Variants in SPAG16 observed in about 807,000 individuals in gnomAD.
SPAG16 encodes sperm-associated antigen 16 protein.
SPAG16 carries 86 observed loss-of-function variants against 80.4 expected under a neutral mutation model. That is an observed-to-expected ratio of 1.07 (90% CI 0.90 to 1.28). The LOEUF (loss-of-function observed/expected upper bound fraction) is 1.28, where lower values mean the gene tolerates loss of function less well. Among genes scored for constraint, SPAG16 ranks in the 50% most tolerant of loss-of-function variants. The probability of loss-of-function intolerance (pLI) is 0.00; values close to 1 mark genes in which losing one functional copy is unlikely to be tolerated. For synonymous variants in SPAG16, 294 were observed against 265.9 expected (o/e 1.11, Z -1.03); for missense variants, 870 against 765.3 (o/e 1.14, Z -1.61).
rs183175235 is a variant in SPAG16 at position 213,384,284 on chromosome 2, T to C, written c.942+9165T>C. Among the ~76,000 whole-genome samples the C allele has an allele frequency of 3.9e-5, 6 of 152,292 alleles. No homozygotes were observed. In the East Asian group the frequency reaches 1.2e-3, roughly 29 times the overall value. The stretch of plus-strand genomic sequence containing the variant: ...TCCTACTTGGCATTTCCCACCATAG[T>C]ATCATATATCCCACAGGTCAAGAAT... On this transcript the variant is annotated intron_variant, in intron 9 of 15. Transcript: ENST00000331683.
intron 10 of SPAG16, among the ~76,000 whole-genome samples, chr2:213,492,414 G>A (rs971395569): frequency 3.3e-5 from 5 of 152,138 alleles, no homozygotes; most frequent in East Asian, 1.9e-4. Flanking sequence ...GCTGGGTGTG[G>A]TGGTGGGCGC....
At chr2:214,173,269 T>A (rs961585150) in intron 15 of SPAG16, among the ~76,000 whole-genome samples, 21 of 152,136 alleles carry the variant, frequency 1.4e-4, no homozygotes, top group African/African-American at 4.8e-4. Flanking sequence ...TGAATTAATT[T>A]TTGTATAAGG....
chr2:213,595,512 G>A (rs1237931156), intron 10 of SPAG16, among the ~76,000 whole-genome samples: 4 of 152,116 alleles, frequency 2.6e-5, no homozygotes, highest in Admixed American at 2.0e-4. Flanking sequence ...CCTTTAAACT[G>A]TTTTATGTGG....
rs373421261 is a variant in SPAG16 at position 213,811,667 on chromosome 2, T to C, written c.1071-50818T>C. 5.2e-4 allele frequency among the ~76,000 whole-genome samples: 79 copies of C among 152,302 alleles called. 1 individual carries two copies. The South Asian group carries it at 0.015, about 29-fold the overall frequency. ...AGAATAAGGAGCATTGTCCCAACCG[T>C]CTGCTGAGAAAGAAATGCATTCTTC... On this transcript the variant is annotated intron_variant, in intron 10 of 15. Transcript: ENST00000331683.
intron 12 of SPAG16, among the ~76,000 whole-genome samples, chr2:213,960,274 C>CT (rs946239070): frequency 1.3e-5 from 2 of 151,662 alleles, no homozygotes; most frequent in Non-Finnish European, 2.9e-5. Flanking sequence ...TTTGTTTATT[C>CT]TTTTTTTGCT....
chr2:213,913,613 A>G (rs1222577423), intron 11 of SPAG16, among the ~76,000 whole-genome samples: 2 of 8,574 alleles, frequency 2.3e-4, no homozygotes, highest in African/African-American at 3.5e-4. Context: ...ACATGTACAT[A>G]TATGTATATG....
Position 213,375,068 on chromosome 2 carries a change from T to G in SPAG16, c.891T>G (p.Arg297=). ...AAGGTCCTACTCAGAAAGGTCTTCG[T>G]GAAGCCAGGGAACAAAACAAATGTA... ...APEGPTQKGL[R]EAREQNKCKT... Residue 297 remains arginine (R), a synonymous_variant, in exon 9 of 16, where the codon CGT becomes CGG. Coordinates refer to ENST00000331683, the MANE Select transcript of SPAG16 (RefSeq NM_024532.5). The G allele has an allele frequency of 6.2e-7, 1 of 1,610,610 alleles. No individual in the cohort carries two copies. Among genetic ancestry groups the G allele is most frequent in the Non-Finnish European group, 8.5e-7 (1 of 1,178,666 alleles).
intron 15 of SPAG16, among the ~76,000 whole-genome samples, chr2:214,231,937 C>G (rs2125802963): frequency 1.3e-5 from 2 of 152,072 alleles, no homozygotes; most frequent in South Asian, 4.1e-4. Context: ...TATCCAAATA[C>G]TTTTTCTATG....
chr2:214,294,549 C>T (rs1299408588), intron 15 of SPAG16, among the ~76,000 whole-genome samples: 1 of 152,108 alleles, frequency 6.6e-6, no homozygotes, highest in Non-Finnish European at 1.5e-5. Context: ...AATTGAAATG[C>T]CAACTGTACT....
rs142946868 is a variant in SPAG16 at position 214,159,835 on chromosome 2, T to C, written c.1720+10569T>C. On this transcript the variant is annotated intron_variant, in intron 15 of 15. Coordinates refer to ENST00000331683, the MANE Select transcript of SPAG16 (RefSeq NM_024532.5). ...CTCTGTAAATATTTTGAAATAATGA[T>C]AAGCATCTTTGAATAATAGACATAC... is the stretch of plus-strand genomic sequence containing the variant. Among the ~76,000 whole-genome samples the C allele has an allele frequency of 5.1e-4, 77 of 152,136 alleles. 1 individual carries two copies. The highest frequency in any genetic ancestry group is 9.6e-4 in the Non-Finnish European group (65 of 67,904).
At chr2:213,764,452 G>A (rs1206606702) in intron 10 of SPAG16, among the ~76,000 whole-genome samples, 3 of 151,990 alleles carry the variant, frequency 2.0e-5, no homozygotes, top group Non-Finnish European at 4.4e-5. Context: ...AATAGGCAGT[G>A]AACTAGATAT....
intron 10 of SPAG16, among the ~76,000 whole-genome samples, chr2:213,552,718 A>C (rs1425381802): frequency 1.3e-5 from 2 of 152,156 alleles, no homozygotes; most frequent in Admixed American, 6.5e-5. Flanking sequence ...AAAGAAGATT[A>C]ACATTTGAGT....
chr2:213,972,412 A>G (rs577524173), intron 12 of SPAG16, among the ~76,000 whole-genome samples: 6 of 152,298 alleles, frequency 3.9e-5, no homozygotes, highest in African/African-American at 1.4e-4. Flanking sequence ...ATGTTGGTGT[A>G]GTTGGCCAGT....
chr2:214,040,987 C>T (rs926329099), intron 13 of SPAG16, among the ~76,000 whole-genome samples: 9 of 151,990 alleles, frequency 5.9e-5, no homozygotes, highest in Admixed American at 3.9e-4. Flanking sequence ...ATTGGATCTT[C>T]TTTGCCTATC....
At chr2:214,236,449 C>T (rs1297032491) in intron 15 of SPAG16, among the ~76,000 whole-genome samples, 5 of 152,018 alleles carry the variant, frequency 3.3e-5, no homozygotes, top group African/African-American at 4.8e-5. Context: ...GTCAGGAGTT[C>T]GAGACCAACC....
intron 15 of SPAG16, among the ~76,000 whole-genome samples, chr2:214,395,032 G>A (rs1195925160): frequency 6.6e-6 from 1 of 152,056 alleles, no homozygotes; most frequent in African/African-American, 2.4e-5. Flanking sequence ...GCCTTTTCAT[G>A]GCTTGTTAGC....
At chr2:214,361,789 C>G (rs1405295990) in intron 15 of SPAG16, among the ~76,000 whole-genome samples, 2 of 151,856 alleles carry the variant, frequency 1.3e-5, no homozygotes, top group Non-Finnish European at 1.5e-5. Flanking sequence ...TTCTGTGAAG[C>G]CTTTTAATTA....
At chr2:213,297,791 G>A (rs939086268) in intron 3 of SPAG16, among the ~76,000 whole-genome samples, 9 of 152,128 alleles carry the variant, frequency 5.9e-5, no homozygotes, top group African/African-American at 2.2e-4. Flanking sequence ...TTATGTTAAG[G>A]AATGTGGTGG....
rs191674091 is a variant in SPAG16 at position 213,472,576 on chromosome 2, C to T, written c.943-17387C>T. Among the ~76,000 whole-genome samples, 250 of 152,298 alleles carry T rather than the reference C, an allele frequency of 1.6e-3. 1 individual carries two copies. The highest frequency in any genetic ancestry group is 5.8e-3 in the African/African-American group (243 of 41,560). ...TTCTAGGTAGAGGCAGCTCTAATGA[C>T]TTCCATTTGGCCTTTCCCACCATAA... On this transcript the variant is annotated intron_variant, in intron 9 of 15. Coordinates refer to ENST00000331683, the MANE Select transcript of SPAG16 (RefSeq NM_024532.5).
Sources: gnomAD v4.1 joint callset for allele counts (sites outside exome capture counted in the v4.1 genomes callset) on GRCh38, gnomAD v4.1.1 for gene constraint, MANE v1.5 for transcripts, NCBI Gene and HGNC (gene_info 2026-07-23, HGNC 2026-07-21) for gene names.